RBMS1: variants seen among roughly 807,000 people sequenced by gnomAD.
RBMS1 encodes the protein RNA binding motif single stranded interacting protein 1.
In RBMS1, 17 loss-of-function variants were observed where a neutral mutation model predicts 62.3. That is an observed-to-expected ratio of 0.27 (90% CI 0.19 to 0.41). The LOEUF (loss-of-function observed/expected upper bound fraction) is 0.41, where lower values mean the gene tolerates loss of function less well. Ranked by LOEUF, RBMS1 falls within the 10% of genes least tolerant of loss-of-function variation. RBMS1 has a pLI of 1.00. For missense variants in RBMS1, 334 were observed against 504.5 expected, an observed-to-expected ratio of 0.66 and a Z score of 3.24; for synonymous variants, 172 against 170.0, an observed-to-expected ratio of 1.01 and a Z score of -0.09.
At chr2:160,472,787 C>A (rs1272437049) in intron 1 of RBMS1, among the ~76,000 whole-genome samples, 2 of 152,016 alleles carry the variant, frequency 1.3e-5, no homozygotes, top group Admixed American at 6.6e-5. Context: ...ATTCAGTGAT[C>A]CTTTTATTAT....
intron 1 of RBMS1, among the ~76,000 whole-genome samples, chr2:160,450,218 A>G (rs886169538): frequency 5.9e-5 from 9 of 152,262 alleles, no homozygotes; most frequent in Admixed American, 1.3e-4. Context: ...ACTTCATGCA[A>G]TCTTCACAGT....
intron 2 of RBMS1, among the ~76,000 whole-genome samples, chr2:160,332,490 C>T (rs1334390902): frequency 6.6e-6 from 1 of 152,174 alleles, no homozygotes; most frequent in African/African-American, 2.4e-5. Context: ...CTCATTCTCT[C>T]TGGGATTCAG....
At chr2:160,280,720 T>C (rs78410956) in intron 10 of RBMS1, among the ~76,000 whole-genome samples, 4,231 of 152,272 alleles carry the variant, frequency 0.028, 100 homozygotes, top group Non-Finnish European at 0.043. Flanking sequence ...TCCATATGTA[T>C]TTTTAAATTT....
intron 1 of RBMS1, among the ~76,000 whole-genome samples, chr2:160,403,999 T>C (rs768300866): frequency 1.3e-5 from 2 of 152,212 alleles, no homozygotes; most frequent in Non-Finnish European, 1.5e-5. Context: ...TTTTCATAGC[T>C]ACAAAAGTCC....
intron 2 of RBMS1, among the ~76,000 whole-genome samples, chr2:160,347,452 G>A (rs910853978): frequency 6.6e-6 from 1 of 152,130 alleles, no homozygotes; most frequent in African/African-American, 2.4e-5. Flanking sequence ...GCATCAGTGT[G>A]ATATCCAGTG....
intron 2 of RBMS1, among the ~76,000 whole-genome samples, chr2:160,356,904 G>A (rs1253718746): frequency 6.6e-6 from 1 of 152,008 alleles, no homozygotes; most frequent in Non-Finnish European, 1.5e-5. Context: ...ACAATTTTTG[G>A]CTGCTAGCAT....
chr2:160,301,507 T>C (rs1034555065), intron 5 of RBMS1, among the ~76,000 whole-genome samples: 53 of 152,338 alleles, frequency 3.5e-4, no homozygotes, highest in African/African-American at 1.3e-3. Context: ...CAAAAAACAA[T>C]GTAATTTAAT....
chr2:160,411,552 G>A (rs1696036989), intron 1 of RBMS1, among the ~76,000 whole-genome samples: 1 of 152,110 alleles, frequency 6.6e-6, no homozygotes, highest in Non-Finnish European at 1.5e-5. Context: ...AAGGAATCTG[G>A]ACTTTGCAAT....
chr2:160,358,755 T>G (rs1221246702), intron 2 of RBMS1, among the ~76,000 whole-genome samples: 1 of 152,072 alleles, frequency 6.6e-6, no homozygotes, highest in Non-Finnish European at 1.5e-5. Flanking sequence ...GACTAAAACA[T>G]TTTTTACCAG....
At position 160,341,843 on chromosome 2, in the gene RBMS1, G is replaced by A. The variant is rs74582550; in HGVS notation, c.252-23616C>T. ...ATATTTGTGTTGATAAATGAACCTG[G>A]GCAAGACCTAAGGTTGACCTTTCAC... On this transcript the variant is annotated intron_variant, in intron 2 of 13. Transcript: ENST00000348849. Among the ~76,000 whole-genome samples the A allele has an allele frequency of 7.9e-3, 1,209 of 152,148 alleles. 14 individuals are homozygous for A. Among genetic ancestry groups the A allele is most frequent in the African/African-American group, 0.026 (1,097 of 41,496 alleles).
At chr2:160,372,687 T>C (rs1230299667) in intron 1 of RBMS1, among the ~76,000 whole-genome samples, 1 of 152,226 alleles carries the variant, frequency 6.6e-6, no homozygotes, top group Non-Finnish European at 1.5e-5. Flanking sequence ...TCAGAACATT[T>C]TCTTTGTTTC....
chr2:160,376,022 A>C lies in RBMS1; in HGVS notation c.76-8631T>G, dbSNP rs183135513. On this transcript the variant is annotated intron_variant, in intron 1 of 13. Coordinates refer to ENST00000348849, the MANE Select transcript of RBMS1 (RefSeq NM_016836.4). ...CAGTAGATTTAGGATTCCAGGGCTG[A>C]CAACTTCCTCCCAGCTGTTTTTTAA... Among the ~76,000 whole-genome samples, 51 of 152,268 alleles carry C rather than the reference A, an allele frequency of 3.3e-4. 2 individuals carry two copies. In the Middle Eastern group the frequency reaches 0.031, roughly 91 times the overall value.
intron 6 of RBMS1, among the ~76,000 whole-genome samples, chr2:160,292,925 C>A (rs1401231695): frequency 6.6e-6 from 1 of 152,202 alleles, no homozygotes; most frequent in Non-Finnish European, 1.5e-5. Flanking sequence ...ACCGCCCTTG[C>A]CCCACTGGCC....
chr2:160,324,905 TATACACACACACACAC>T (rs1690828611), intron 2 of RBMS1, among the ~76,000 whole-genome samples: 4 of 118,692 alleles, frequency 3.4e-5, no homozygotes, highest in Admixed American at 3.2e-4. Context: ...TATATATATA[TATACACACACACACAC>T]ACACACACAC....
At chr2:160,324,452 T>C (rs1573860864) in intron 2 of RBMS1, among the ~76,000 whole-genome samples, 3 of 152,204 alleles carry the variant, frequency 2.0e-5, no homozygotes, top group Admixed American at 2.0e-4. Context: ...ATGGGGTCAT[T>C]TGCAGTGCTT....
intron 1 of RBMS1, among the ~76,000 whole-genome samples, chr2:160,390,064 C>T (rs1694778598): frequency 6.6e-6 from 1 of 152,224 alleles, no homozygotes; most frequent in South Asian, 2.1e-4. Flanking sequence ...CAAGAACTCA[C>T]TCCCATTCCC....
chr2:160,385,207 T>C (rs1208158858), intron 1 of RBMS1, among the ~76,000 whole-genome samples: 2 of 152,072 alleles, frequency 1.3e-5, no homozygotes, highest in Non-Finnish European at 2.9e-5. Context: ...ACTAACACAA[T>C]GTTCATCTCT....
Position 160,277,349 on chromosome 2 carries a change from T to C in RBMS1, c.1097A>G (p.Tyr366Cys). The C allele has an allele frequency of 6.2e-7, 1 of 1,613,616 alleles. No individual in the cohort carries two copies. The highest frequency in any genetic ancestry group is 1.1e-5 in the South Asian group (1 of 91,070). Residue 366 changes from tyrosine (Y) to cysteine (C), a missense_variant, in exon 12 of 14, where the codon TAC becomes TGC. By Grantham distance (194) the Tyr-to-Cys change is radical. This residue lies in a region of RBMS1 where 182 missense variants were observed against 257.7 expected (regional missense o/e 0.71). Transcript: ENST00000348849. ...CTGCATATGTGCATACTGTGGCAAG[T>C]AGGCTCCTTGCATAGCTGACGTTGC... ...MPATSAMQGA[Y>C]LPQYAHMQTT...
intron 1 of RBMS1, among the ~76,000 whole-genome samples, chr2:160,481,039 C>T (rs535229463): frequency 6.7e-6 from 1 of 149,090 alleles, no homozygotes; most frequent in East Asian, 2.0e-4. Context: ...CTAGATCACG[C>T]CACTGCACTC....
Sources: gnomAD v4.1 joint callset for allele counts (sites outside exome capture counted in the v4.1 genomes callset) on GRCh38, gnomAD v4.1.1 for gene constraint, gnomAD v4.1.1 regional missense constraint, MANE v1.5 for transcripts, NCBI Gene and HGNC (gene_info 2026-07-23, HGNC 2026-07-21) for gene names.